PCNX2: variants seen among roughly 807,000 people sequenced by gnomAD.
PCNX2 encodes pecanex 2.
PCNX2 carries 168 observed loss-of-function variants against 223.8 expected under a neutral mutation model. The ratio of observed to expected loss-of-function variants is 0.75; its 90% CI spans 0.66 to 0.85. The LOEUF (loss-of-function observed/expected upper bound fraction) is 0.85, where lower values mean the gene tolerates loss of function less well. Ranked by LOEUF, PCNX2 falls within the 40% of genes least tolerant of loss-of-function variation. The pLI is 0.00. For synonymous variants in PCNX2, 1,006 were observed against 1,052.6 expected, an observed-to-expected ratio of 0.96 and a Z score of 0.86; for missense variants, 2,507 against 2,675.5, an observed-to-expected ratio of 0.94 and a Z score of 1.39.
rs1185043324 is a variant in PCNX2, at chr1:233,001,417, T to A, written c.5097+120A>T. Reference sequence around the variant, plus strand: ...TCGCTTGAACCCGGGAGGTGGAGGTTGTGGTGAGCCGAGATTGTGCCATTG... The same window carrying A: ...TCGCTTGAACCCGGGAGGTGGAGGTAGTGGTGAGCCGAGATTGTGCCATTG... On this transcript the variant is annotated intron_variant, in intron 29 of 33. Coordinates refer to ENST00000258229, the MANE Select transcript of PCNX2 (RefSeq NM_014801.4). This position sits in a 1 kb window ranked among gnomAD's most constrained non-coding sequence, Gnocchi z 4.2. The A allele has an allele frequency of 1.9e-6, 1 of 531,794 alleles. No individual in the cohort carries two copies. Among genetic ancestry groups the A allele is most frequent in the Non-Finnish European group, 2.6e-6 (1 of 388,784 alleles). The allele number at this position is 531,794 out of a possible 1,614,324, so 32.9% of individuals were successfully genotyped here.
intron 1 of PCNX2, among the ~76,000 whole-genome samples, chr1:233,293,373 A>G (rs1428984069): frequency 2.0e-5 from 3 of 152,246 alleles, no homozygotes; most frequent in Non-Finnish European, 2.9e-5. Context: ...GATCAGTGTT[A>G]CCAAATGCAG....
intron 1 of PCNX2, among the ~76,000 whole-genome samples, chr1:233,264,359 C>G (rs909790642): frequency 2.0e-5 from 3 of 152,170 alleles, no homozygotes; most frequent in Non-Finnish European, 2.9e-5. Flanking sequence ...ATCCAGTGAT[C>G]CGTGTAGCTG....
At position 233,295,252 on chromosome 1, in the gene PCNX2, G is replaced by T; in HGVS notation, c.153+74C>A. On this transcript the variant is annotated intron_variant, in intron 1 of 33. Transcript: ENST00000258229. This position sits in a 1 kb window ranked among gnomAD's most constrained non-coding sequence, Gnocchi z 4.1. ...GAACCCGAAAGCCCGTGAGGCTGATGGCACGTCTGTGGTTCCTTTCTCCTT... is the reference window on the plus strand; with the variant it reads ...GAACCCGAAAGCCCGTGAGGCTGATTGCACGTCTGTGGTTCCTTTCTCCTT... 1 of 1,542,768 alleles carries T rather than the reference G, an allele frequency of 6.5e-7. No homozygotes were observed. Among genetic ancestry groups the T allele is most frequent in the South Asian group, 1.2e-5 (1 of 83,808 alleles).
At chr1:233,117,601 A>G (rs543314571) in intron 21 of PCNX2, among the ~76,000 whole-genome samples, 177 of 148,670 alleles carry the variant, frequency 1.2e-3, no homozygotes, top group African/African-American at 4.2e-3. Context: ...ACTCCGTCTA[A>G]AGAAAAAAAA....
At position 233,000,092 on chromosome 1, in the gene PCNX2, G is replaced by A. The variant is rs1437753550; in HGVS notation, c.5328+213C>T. 2.0e-5 allele frequency among the ~76,000 whole-genome samples: 3 copies of A among 152,022 alleles called. No individual in the cohort carries two copies. The highest frequency in any genetic ancestry group is 4.4e-5 in the Non-Finnish European group (3 of 68,032). ...TGTCTGTGTGCTGGCTCTGTGAGGT[G>A]GAGGGTGATCCTGCCAGGGGAACAC... On this transcript the variant is annotated intron_variant, in intron 30 of 33. Transcript: ENST00000258229. This position sits in a 1 kb window ranked among gnomAD's most constrained non-coding sequence, Gnocchi z 4.6.
chr1:233,251,575 C>T (rs1230592098), intron 7 of PCNX2, among the ~76,000 whole-genome samples: 2 of 152,176 alleles, frequency 1.3e-5, no homozygotes, highest in Non-Finnish European at 2.9e-5. Flanking sequence ...TAATGACAAC[C>T]GCAGCCCCTG....
intron 19 of PCNX2, 173 bp downstream of exon 19, chr1:233,160,110 G>T: frequency 1.5e-6 from 1 of 669,736 alleles, no homozygotes; most frequent in Non-Finnish European, 2.4e-6. Context: ...TAAGGTACAC[G>T]TTCTCCTTTT....
chr1:233,250,887 C>T lies in PCNX2; in HGVS notation c.2129-55G>A, dbSNP rs547325840. The T allele has an allele frequency of 1.1e-4, 169 of 1,497,394 alleles. 1 individual carries two copies. The South Asian group carries it at 2.0e-3, about 18-fold the overall frequency. 92.8% of individuals were successfully genotyped at this position (1,497,394 alleles called of 1,614,324 possible). On this transcript the variant is annotated intron_variant, in intron 7 of 33. Coordinates refer to ENST00000258229, the MANE Select transcript of PCNX2 (RefSeq NM_014801.4). The stretch of plus-strand genomic sequence containing the variant: ...TATGACATAATTATTCATATAGAAT[C>T]GTTTCAACTTATACAATTTTCAAGT...
At chr1:233,255,764 G>C (rs1659701060) in intron 5 of PCNX2, among the ~76,000 whole-genome samples, 1 of 152,018 alleles carries the variant, frequency 6.6e-6, no homozygotes, top group Non-Finnish European at 1.5e-5. Flanking sequence ...CTAATGAGCA[G>C]GAAAAAGATT....
At position 233,288,646 on chromosome 1, in the gene PCNX2, A is replaced by G. The variant is rs148213091; in HGVS notation, c.153+6680T>C. 2.6e-5 allele frequency among the ~76,000 whole-genome samples: 4 copies of G among 152,286 alleles called. No homozygotes were observed. In the East Asian group the frequency reaches 7.7e-4, roughly 29 times the overall value. On this transcript the variant is annotated intron_variant, in intron 1 of 33. Coordinates refer to ENST00000258229, the MANE Select transcript of PCNX2 (RefSeq NM_014801.4). ...ACAAATGAAGGTACTCCAGGAAAGC[A>G]GAGCCCTCCACACAGGCAAGCCCTC...
At chr1:233,037,267 G>A (rs1213860506) in intron 25 of PCNX2, among the ~76,000 whole-genome samples, 1 of 152,142 alleles carries the variant, frequency 6.6e-6, no homozygotes, top group East Asian at 1.9e-4. Context: ...TACCTTAGTG[G>A]CAACTTCTCC....
At chr1:233,306,493 A>G in the PCNX2 span, among the ~76,000 whole-genome samples, 1 of 152,218 alleles carries the variant, frequency 6.6e-6, no homozygotes, top group Non-Finnish European at 1.5e-5. Flanking sequence ...CAAGGTTCTG[A>G]AAAAGCTTAT....
intron 26 of PCNX2, among the ~76,000 whole-genome samples, chr1:233,020,729 T>C (rs1328675605): frequency 1.3e-5 from 2 of 152,194 alleles, no homozygotes; most frequent in African/African-American, 2.4e-5. Flanking sequence ...ATTCCTTGAC[T>C]GCTAAGCGGG....
At chr1:233,267,109 A>G (rs1350067224) in intron 1 of PCNX2, among the ~76,000 whole-genome samples, 2 of 152,064 alleles carry the variant, frequency 1.3e-5, no homozygotes, top group Non-Finnish European at 2.9e-5. Context: ...ACCTAAGGTC[A>G]GGAGTTCAAG....
chr1:233,319,261 T>C, the PCNX2 span, among the ~76,000 whole-genome samples: 1 of 152,200 alleles, frequency 6.6e-6, no homozygotes, highest in Non-Finnish European at 1.5e-5. Context: ...GAAGCTGAAT[T>C]TGTAAACGTC....
At chr1:233,276,829 G>A (rs572149456) in intron 1 of PCNX2, among the ~76,000 whole-genome samples, 8 of 152,328 alleles carry the variant, frequency 5.3e-5, no homozygotes, top group African/African-American at 1.2e-4. Flanking sequence ...TCTGTGCCAG[G>A]CACCGTGCAT....
At chr1:233,237,012 C>T (rs1658464099) in intron 8 of PCNX2, 32 bp from the exon 9 acceptor site, 1 of 1,612,310 alleles carries the variant, frequency 6.2e-7, no homozygotes, top group Non-Finnish European at 8.5e-7. Flanking sequence ...GCTTTGGTTA[C>T]CTGGTAATAC....
chr1:233,284,076 G>A (rs1167312589), intron 1 of PCNX2, among the ~76,000 whole-genome samples: 2 of 152,122 alleles, frequency 1.3e-5, no homozygotes, highest in African/African-American at 2.4e-5. Flanking sequence ...AAGATAGGTG[G>A]CAACTAAAAG....
In PCNX2 at chr1:232,983,841, T is replaced by C; in HGVS notation, c.*463A>G. The C allele has an allele frequency of 6.5e-6, 1 of 152,796 alleles. No individual in the cohort carries two copies. Among genetic ancestry groups the C allele is most frequent in the Non-Finnish European group, 1.5e-5 (1 of 68,424 alleles). The allele number at this position is 152,796 out of a possible 1,614,324, so 9.5% of individuals were successfully genotyped here. A position where few individuals can be genotyped will look rare whatever the true frequency, so the allele number is the denominator to read the frequency against. ...TATCAGACGTGCTGCTGTTCATTTC[T>C]TTTTCATGGTAACAGTAATGTATAA... On this transcript the variant is annotated 3_prime_UTR_variant, in exon 34 of 34. Coordinates refer to ENST00000258229, the MANE Select transcript of PCNX2 (RefSeq NM_014801.4).
Sources: allele counts gnomAD v4.1 joint callset (sites outside exome capture counted in the v4.1 genomes callset), GRCh38; gene constraint gnomAD v4.1.1; non-coding constraint Gnocchi (gnomAD v3.1); transcripts MANE v1.5; gene names NCBI Gene and HGNC (gene_info 2026-07-23, HGNC 2026-07-21).